NSRP1: variants seen among roughly 807,000 people sequenced by gnomAD.
NSRP1 encodes nuclear speckle splicing regulatory protein 1.
Under a neutral mutation model 54.7 loss-of-function variants are expected in NSRP1, and 24 were observed. That is an observed-to-expected ratio of 0.44 (90% confidence interval 0.32 to 0.62). The LOEUF (loss-of-function observed/expected upper bound fraction) is 0.62, where lower values mean the gene tolerates loss of function less well. NSRP1 is among the 20% of genes least tolerant of loss of function. The probability of loss-of-function intolerance (pLI) is 0.06; values close to 1 mark genes in which losing one functional copy is unlikely to be tolerated. For synonymous variants in NSRP1, 210 were observed against 213.8 expected (o/e 0.98, Z 0.15); for missense variants, 596 against 651.2 (o/e 0.92, Z 0.92).
intron 2 of NSRP1, among the ~76,000 whole-genome samples, chr17:30,140,819 C>T (rs1392315866): frequency 2.0e-5 from 3 of 152,056 alleles, no homozygotes. Context: ...TGAGCCACCG[C>T]ATCCGGCCCC....
At chr17:30,122,349 T>TGTGTGTGTGTGTATATATA (rs1481107161) in intron 2 of NSRP1, 1 of 72,306 alleles carries the variant, frequency 1.4e-5, no homozygotes, top group African/African-American at 5.7e-5. Flanking sequence ...ATAACTCTGG[T>TGTGTGTGTGTGTATATATA]TTCATATATA....
intron 2 of NSRP1, among the ~76,000 whole-genome samples, chr17:30,120,507 T>C (rs1166734835): frequency 6.6e-5 from 10 of 152,244 alleles, no homozygotes; most frequent in Non-Finnish European, 1.3e-4. Flanking sequence ...ATAGCCTATA[T>C]ACTTTTTATT....
intron 2 of NSRP1, among the ~76,000 whole-genome samples, chr17:30,167,125 T>G (rs1904759465): frequency 1.3e-5 from 2 of 152,192 alleles, no homozygotes; most frequent in African/African-American, 2.4e-5. Flanking sequence ...CACATGGAAG[T>G]GAGAACATAC....
At chr17:30,159,496 C>T (rs1165555858) in intron 2 of NSRP1, among the ~76,000 whole-genome samples, 2 of 152,040 alleles carry the variant, frequency 1.3e-5, no homozygotes, top group Non-Finnish European at 2.9e-5. Flanking sequence ...CCAGGACTTC[C>T]AGTATTGTGT....
intron 2 of NSRP1, among the ~76,000 whole-genome samples, chr17:30,128,920 T>G (rs2071675342): frequency 7.0e-6 from 1 of 142,856 alleles, no homozygotes; most frequent in South Asian, 2.2e-4. Flanking sequence ...GGTTTTTTTG[T>G]TTTTTTTTTT....
chr17:30,134,480 T>C (rs1028976603), intron 2 of NSRP1, among the ~76,000 whole-genome samples: 5 of 152,208 alleles, frequency 3.3e-5, no homozygotes, highest in Non-Finnish European at 5.9e-5. Context: ...ATACCTATAA[T>C]GGTACGGTCA....
At position 30,116,980 on chromosome 17, in the gene NSRP1, G is replaced by A. The variant is rs537835697; in HGVS notation, c.20+117G>A. 59 of 1,336,320 alleles carry A rather than the reference G, an allele frequency of 4.4e-5. No homozygotes were observed. In the African/African-American group the frequency reaches 6.7e-4, roughly 15 times the overall value. The allele number at this position is 1,336,320 out of a possible 1,614,324, so 82.8% of individuals were successfully genotyped here. A position where few individuals can be genotyped will look rare whatever the true frequency, so the allele number is the denominator to read the frequency against. ...AAGGGACTGTGTCGTCAAGGGTAGA[G>A]ACGGGAAAAAACGAGAAGTCCTGAG... On this transcript the variant is annotated intron_variant, in intron 1 of 6. Coordinates refer to ENST00000247026, the MANE Select transcript of NSRP1 (RefSeq NM_032141.4).
intron 2 of NSRP1, among the ~76,000 whole-genome samples, chr17:30,119,160 G>T (rs776760702): frequency 7.2e-5 from 11 of 151,792 alleles, no homozygotes; most frequent in Middle Eastern, 3.4e-3. Flanking sequence ...TGCAGTCTTG[G>T]CTCACTGCAA....
At chr17:30,132,249 A>G (rs894755667) in intron 2 of NSRP1, among the ~76,000 whole-genome samples, 1 of 148,338 alleles carries the variant, frequency 6.7e-6, no homozygotes, top group Non-Finnish European at 1.5e-5. Flanking sequence ...CTGTCTCAAA[A>G]AAAAAAAAAA....
In NSRP1 at chr17:30,184,599, G is replaced by GTTTTTTT; in HGVS notation, c.618-10_618-9insTTTTTTT. 1 of 1,519,616 alleles carries GTTTTTTT rather than the reference G, an allele frequency of 6.6e-7. No homozygotes were observed. 94.1% of individuals were successfully genotyped at this position (1,519,616 alleles called of 1,614,324 possible). On this transcript the variant is annotated splice_polypyrimidine_tract_variant and intron_variant, in intron 6 of 6. Transcript: ENST00000247026. Reference sequence around the variant, plus strand: ...GTGGCATTTTTTTCTGCCCTTTTTTGTTTTTTGTTTCTAAGATCTGGTATA... The same window carrying GTTTTTTT: ...GTGGCATTTTTTTCTGCCCTTTTTTGTTTTTTTTTTTTTGTTTCTAAGATCTGGTATA...
At chr17:30,163,690 T>TC (rs1324671608) in intron 2 of NSRP1, among the ~76,000 whole-genome samples, 4 of 147,416 alleles carry the variant, frequency 2.7e-5, no homozygotes, top group Non-Finnish European at 6.0e-5. Flanking sequence ...TTTTTTTTTT[T>TC]TTTTTTTTTT....
intron 3 of NSRP1, among the ~76,000 whole-genome samples, chr17:30,176,003 C>G (rs529514205): frequency 2.5e-4 from 10 of 39,352 alleles, no homozygotes; most frequent in Non-Finnish European, 4.9e-4. Context: ...ACTCCGAACC[C>G]CCCCCCCAAA....
At chr17:30,158,694 C>T (rs565447308) in intron 2 of NSRP1, among the ~76,000 whole-genome samples, 69 of 152,082 alleles carry the variant, frequency 4.5e-4, no homozygotes, top group Non-Finnish European at 7.6e-4. Context: ...ATTTAGTTCT[C>T]CTAGCACCAT....
chr17:30,176,209 G>C (rs1167964985), intron 3 of NSRP1, among the ~76,000 whole-genome samples: 1 of 151,740 alleles, frequency 6.6e-6, no homozygotes. Context: ...TTGAATATCT[G>C]TTCAATTTTT....
In NSRP1 at chr17:30,184,908, C is replaced by T. The variant is rs748304304; in HGVS notation, c.911C>T (p.Thr304Met). The change falls in exon 7 of 7, where the codon ACG becomes ATG. Residue 304 changes from threonine to methionine, a missense_variant. By Grantham distance (81) the Thr-to-Met change is moderately conservative (BLOSUM62 -1). Coordinates refer to ENST00000247026, the MANE Select transcript of NSRP1 (RefSeq NM_032141.4). ...EERGHSTRHHTKGSRTSRGHE... is the reference protein window; with the variant it reads ...EERGHSTRHHMKGSRTSRGHE... ...AGAGGGCACAGTACCAGGCACCACA[C>T]GAAAGGATCACGAACGTCGAGAGGA... is the stretch of plus-strand genomic sequence containing the variant. 13 of 1,613,930 alleles carry T rather than the reference C, an allele frequency of 8.1e-6. No homozygotes were observed. The highest frequency in any genetic ancestry group is 2.2e-5 in the South Asian group (2 of 91,062).
intron 4 of NSRP1, among the ~76,000 whole-genome samples, chr17:30,178,773 C>G (rs1013469029): frequency 1.3e-5 from 2 of 151,514 alleles, no homozygotes; most frequent in Non-Finnish European, 1.5e-5. Flanking sequence ...CATATTTCTA[C>G]TAAATGTGAA....
intron 3 of NSRP1, among the ~76,000 whole-genome samples, chr17:30,175,384 T>G (rs1441155052): frequency 1.3e-5 from 2 of 152,066 alleles, no homozygotes; most frequent in African/African-American, 4.8e-5. Context: ...ATTACTTTGG[T>G]TTTTTGCTTG....
At chr17:30,155,686 C>T (rs2143004942) in intron 2 of NSRP1, among the ~76,000 whole-genome samples, 1 of 152,196 alleles carries the variant, frequency 6.6e-6, no homozygotes, top group Admixed American at 6.5e-5. Context: ...GCTAGGACTA[C>T]AGACGTACAC....
intron 2 of NSRP1, among the ~76,000 whole-genome samples, chr17:30,164,600 C>G (rs1567802248): frequency 1.3e-5 from 2 of 151,830 alleles, no homozygotes; most frequent in Non-Finnish European, 2.9e-5. Flanking sequence ...GGTTTGAGAC[C>G]AGCCTGGGCA....
Sources: allele counts gnomAD v4.1 joint callset (sites outside exome capture counted in the v4.1 genomes callset), GRCh38; gene constraint gnomAD v4.1.1; transcripts MANE v1.5; gene names NCBI Gene and HGNC (gene_info 2026-07-23, HGNC 2026-07-21).